The following PRKN variants were observed in gnomAD, a reference collection of about 807,000 sequenced individuals.
The protein encoded by PRKN is E3 ubiquitin-protein ligase parkin.
A neutral mutation model predicts 59.5 loss-of-function variants in PRKN; 56 were observed. The observed-to-expected ratio is 0.94, with a 90% confidence interval of 0.76 to 1.18. The LOEUF is 1.18. PRKN is among the 50% of genes most tolerant of loss of function. The pLI is 0.00. For missense variants in PRKN, 657 were observed against 596.4 expected, an observed-to-expected ratio of 1.10 and a Z score of -1.06; for synonymous variants, 250 against 222.1, an observed-to-expected ratio of 1.13 and a Z score of -1.12.
intron 1 of PRKN, among the ~76,000 whole-genome samples, chr6:162,647,198 AAG>A (rs752613630): frequency 6.6e-6 from 1 of 151,974 alleles, no homozygotes; most frequent in East Asian, 1.9e-4. Context: ...ATATAATATA[AAG>A]AGAGTTCTCT....
intron 2 of PRKN, among the ~76,000 whole-genome samples, chr6:162,343,017 C>G (rs117872081): frequency 0.011 from 1,690 of 152,056 alleles, 23 homozygotes; most frequent in Non-Finnish European, 0.017. Flanking sequence ...TGTAAATAAC[C>G]ATTAGGAAGA....
At position 161,372,825 on chromosome 6, in the gene PRKN, ATT is replaced by A. The variant is rs11293379; in HGVS notation, c.1168-12622_1168-12621del. ...TGGTCAACAAAGACAGAGAGACCCT[ATT>A]TTTTTTTTTTTTTTTTTTTTGAGAC... On this transcript the variant is annotated intron_variant, in intron 10 of 11. Transcript: ENST00000366898. The surrounding 1 kb of genome is among the most constrained non-coding windows in gnomAD (Gnocchi z 4.2). 2.6e-3 allele frequency among the ~76,000 whole-genome samples: 301 copies of A among 114,392 alleles called. No individual in the cohort carries two copies. The highest frequency in any genetic ancestry group is 7.4e-3 in the African/African-American group (218 of 29,602). The allele number at this position is 114,392 out of a possible 152,430, so 75.0% of individuals were successfully genotyped here.
At chr6:161,621,772 G>A (rs1782909484) in intron 7 of PRKN, among the ~76,000 whole-genome samples, 1 of 152,134 alleles carries the variant, frequency 6.6e-6, no homozygotes, top group Non-Finnish European at 1.5e-5. Context: ...TACTGATCTA[G>A]TTAACCTTGC....
chr6:162,669,836 G>A (rs1440023574), intron 1 of PRKN, among the ~76,000 whole-genome samples: 1 of 152,132 alleles, frequency 6.6e-6, no homozygotes, highest in African/African-American at 2.4e-5. Context: ...GAGATTATAG[G>A]ATTGAGGGAT....
intron 3 of PRKN, among the ~76,000 whole-genome samples, chr6:162,235,380 A>G (rs1290637148): frequency 6.6e-6 from 1 of 152,204 alleles, no homozygotes; most frequent in Non-Finnish European, 1.5e-5. Flanking sequence ...GTCTTACGAC[A>G]TGCCTCCGTC....
intron 7 of PRKN, among the ~76,000 whole-genome samples, chr6:161,572,092 C>T (rs1780912640): frequency 6.6e-6 from 1 of 152,098 alleles, no homozygotes; most frequent in South Asian, 2.1e-4. Context: ...TGAGCCCTTC[C>T]CCCAGTAAAC....
At chr6:162,470,328 C>T (rs1791666644) in intron 1 of PRKN, among the ~76,000 whole-genome samples, 1 of 152,182 alleles carries the variant, frequency 6.6e-6, no homozygotes, top group Non-Finnish European at 1.5e-5. Flanking sequence ...ACCGTGGACA[C>T]AGCAGCTAAC....
intron 6 of PRKN, among the ~76,000 whole-genome samples, chr6:161,816,648 A>G (rs1443877803): frequency 6.6e-6 from 1 of 151,258 alleles, no homozygotes; most frequent in Non-Finnish European, 1.5e-5. Context: ...ATGTGTTCAC[A>G]CCCCAGGAGT....
intron 9 of PRKN, among the ~76,000 whole-genome samples, chr6:161,437,057 C>T (rs193226843): frequency 6.6e-6 from 1 of 152,198 alleles, no homozygotes; most frequent in Admixed American, 6.5e-5. Flanking sequence ...CGGGTAGTAC[C>T]GACCCTATAT....
intron 1 of PRKN, among the ~76,000 whole-genome samples, chr6:162,574,568 C>G (rs868308179): frequency 3.9e-5 from 6 of 152,086 alleles, no homozygotes; most frequent in Non-Finnish European, 8.8e-5. Flanking sequence ...CTTATTTCAA[C>G]GTGTATCTTG....
intron 4 of PRKN, among the ~76,000 whole-genome samples, chr6:162,071,058 C>T (rs1406299866): frequency 6.6e-6 from 1 of 152,066 alleles, no homozygotes; most frequent in African/African-American, 2.4e-5. Flanking sequence ...CTCAGATGTG[C>T]TAAAAGAGGT....
chr6:162,180,418 A>G (rs1583161302), intron 4 of PRKN, among the ~76,000 whole-genome samples: 1 of 151,912 alleles, frequency 6.6e-6, no homozygotes, highest in African/African-American at 2.4e-5. Flanking sequence ...AAATATGAAC[A>G]CCTCCTATGT....
rs576132234 is a variant in PRKN at position 162,265,765 on chromosome 6, T to G, written c.172-3000A>C. The stretch of plus-strand genomic sequence containing the variant: ...AGTCCAACCCACTGAGGTGACCAAG[T>G]GCAGCCACACTCACAGCATGAAGCA... On this transcript the variant is annotated intron_variant, in intron 2 of 11. Coordinates refer to ENST00000366898, the MANE Select transcript of PRKN (RefSeq NM_004562.3). Among the ~76,000 whole-genome samples the G allele has an allele frequency of 1.8e-4, 27 of 152,262 alleles. No individual in the cohort carries two copies. The South Asian group carries it at 5.6e-3, about 32-fold the overall frequency.
At chr6:162,385,871 A>T (rs1786776065) in intron 2 of PRKN, among the ~76,000 whole-genome samples, 4 of 152,288 alleles carry the variant, frequency 2.6e-5, no homozygotes, top group African/African-American at 9.6e-5. Context: ...TTCCCTAAAA[A>T]AAAAAGTTTC....
rs1665075859 is a variant in PRKN, at chr6:161,499,674, T to C, written c.1083+49180A>G. Among the ~76,000 whole-genome samples the C allele has an allele frequency of 6.6e-6, 1 of 152,214 alleles. No homozygotes were observed. The highest frequency in any genetic ancestry group is 1.9e-4 in the East Asian group (1 of 5,190). ...CTGGATTCGAGGTGGTGGTGGTTTC[T>C]GCATTTTCCATAAGTAACCCTTTCC... is the stretch of plus-strand genomic sequence containing the variant. On this transcript the variant is annotated intron_variant, in intron 9 of 11. Transcript: ENST00000366898. The surrounding 1 kb of genome is among the most constrained non-coding windows in gnomAD (Gnocchi z 4.2).
chr6:162,209,019 A>AT (rs1785079074), intron 3 of PRKN, among the ~76,000 whole-genome samples: 1 of 152,212 alleles, frequency 6.6e-6, no homozygotes, highest in South Asian at 2.1e-4. Context: ...AGGCAATGCC[A>AT]TTCAGGACAC....
At position 161,428,439 on chromosome 6, in the gene PRKN, G is replaced by A. The variant is rs2115045379; in HGVS notation, c.1084-41562C>T. Among the ~76,000 whole-genome samples the A allele has an allele frequency of 6.6e-6, 1 of 152,258 alleles. No individual in the cohort carries two copies. Among genetic ancestry groups the A allele is most frequent in the South Asian group, 2.1e-4 (1 of 4,828 alleles). ...TCTGTGAGCTTCAGGGTCCACACGAGCCTCATGGAGAGACAGGCGGCTGCT... is the reference window on the plus strand; with the variant it reads ...TCTGTGAGCTTCAGGGTCCACACGAACCTCATGGAGAGACAGGCGGCTGCT... On this transcript the variant is annotated intron_variant, in intron 9 of 11. Coordinates refer to ENST00000366898, the MANE Select transcript of PRKN (RefSeq NM_004562.3). The surrounding 1 kb of genome is among the most constrained non-coding windows in gnomAD (Gnocchi z 4.0).
intron 2 of PRKN, among the ~76,000 whole-genome samples, chr6:162,273,656 G>A (rs1583298780): frequency 6.6e-6 from 1 of 152,234 alleles, no homozygotes; most frequent in African/African-American, 2.4e-5. Context: ...GTGAGAAGGA[G>A]CTTCATGATG....
At chr6:162,548,617 C>T (rs1779213471) in intron 1 of PRKN, among the ~76,000 whole-genome samples, 1 of 152,154 alleles carries the variant, frequency 6.6e-6, no homozygotes. Flanking sequence ...GACATTAATA[C>T]AATTGTCCAT....
Sources: gnomAD v4.1 joint callset for allele counts (sites outside exome capture counted in the v4.1 genomes callset) on GRCh38, gnomAD v4.1.1 for gene constraint, Gnocchi (gnomAD v3.1) non-coding constraint, MANE v1.5 for transcripts, NCBI Gene and HGNC (gene_info 2026-07-23, HGNC 2026-07-21) for gene names.